PIEZO2: variants seen among roughly 807,000 people sequenced by gnomAD.
PIEZO2 encodes the protein piezo type mechanosensitive ion channel component 2, also known as piezo-type mechanosensitive ion channel component 2.
Under a neutral mutation model 337.3 loss-of-function variants are expected in PIEZO2, and 172 were observed. The ratio of observed to expected loss-of-function variants is 0.51; its 90% CI spans 0.45 to 0.58. The LOEUF is 0.58. Among genes scored for constraint, PIEZO2 ranks in the 20% least tolerant of loss-of-function variants. PIEZO2 has a pLI of 0.00. For missense variants in PIEZO2, 3,028 were observed against 3,391.3 expected (o/e 0.89, Z 2.66); for synonymous variants, 1,251 against 1,228.5 (o/e 1.02, Z -0.38).
chr18:11,015,570 A>G (rs2036087798), intron 2 of PIEZO2, among the ~76,000 whole-genome samples: 1 of 152,164 alleles, frequency 6.6e-6, no homozygotes, highest in South Asian at 2.1e-4. Context: ...ATATATCAAT[A>G]ATATCATGTT....
intron 47 of PIEZO2, among the ~76,000 whole-genome samples, chr18:10,694,898 G>C (rs796387098): frequency 6.6e-6 from 1 of 152,240 alleles, no homozygotes; most frequent in African/African-American, 2.4e-5. Flanking sequence ...TGGGAGTGCA[G>C]TTCCAGAGGA....
rs147616142 is a variant in PIEZO2, at chr18:10,830,121, G to A, written c.918-22847C>T. On this transcript the variant is annotated intron_variant, in intron 7 of 55. Transcript: ENST00000674853. This position sits in a 1 kb window ranked among gnomAD's most constrained non-coding sequence, Gnocchi z 4.7. ...ACACACAGACCAATGGAACAGAATA[G>A]GGAAGCCAGTAATTCATACATCTAC... 7.0e-3 allele frequency among the ~76,000 whole-genome samples: 1,071 copies of A among 152,192 alleles called. 7 individuals are homozygous for A. Among genetic ancestry groups the A allele is most frequent in the African/African-American group, 0.025 (1,028 of 41,522 alleles).
At chr18:10,831,767 T>C (rs560096870) in intron 7 of PIEZO2, among the ~76,000 whole-genome samples, 1 of 152,318 alleles carries the variant, frequency 6.6e-6, no homozygotes, top group South Asian at 2.1e-4. Flanking sequence ...ATGTACCCCA[T>C]ACATATATAT....
At chr18:11,010,655 T>G (rs1387394256) in intron 2 of PIEZO2, among the ~76,000 whole-genome samples, 1 of 152,162 alleles carries the variant, frequency 6.6e-6, no homozygotes, top group Non-Finnish European at 1.5e-5. Context: ...CTCACCAACT[T>G]GAAATGGGGG....
intron 42 of PIEZO2, among the ~76,000 whole-genome samples, chr18:10,702,445 C>T (rs1051861011): frequency 3.9e-5 from 6 of 152,160 alleles, no homozygotes; most frequent in African/African-American, 1.4e-4. Flanking sequence ...TTAGTCATTT[C>T]CTCTTTTTTG....
rs1264637101 is a variant in PIEZO2, at chr18:11,112,789, T to G, written c.64+35736A>C. On this transcript the variant is annotated intron_variant, in intron 1 of 55. Transcript: ENST00000674853. This position sits in a 1 kb window ranked among gnomAD's most constrained non-coding sequence, Gnocchi z 4.3. ...AAAATGTGGGCTCCTTCTCTCCATC[T>G]GCAGTTAGGTCACCGACAAGAGGAA... Among the ~76,000 whole-genome samples, 4 of 152,180 alleles carry G rather than the reference T, an allele frequency of 2.6e-5. No homozygotes were observed. Among genetic ancestry groups the G allele is most frequent in the African/African-American group, 9.7e-5 (4 of 41,446 alleles).
chr18:10,808,916 C>T (rs2040085962), intron 7 of PIEZO2, among the ~76,000 whole-genome samples: 1 of 152,240 alleles, frequency 6.6e-6, no homozygotes, highest in African/African-American at 2.4e-5. Context: ...ACGCCTGGCA[C>T]ATATGCTAGA....
Position 10,680,250 on chromosome 18 carries a change from A to G in PIEZO2, c.7901T>C (p.Leu2634Pro). 1 of 1,614,064 alleles carries G rather than the reference A, an allele frequency of 6.2e-7. No individual in the cohort carries two copies. The highest frequency in any genetic ancestry group is 8.5e-7 in the Non-Finnish European group (1 of 1,179,928). The part of the protein sequence containing the change: ...PPSKQKMIHE[L>P]LDPNSSFSVV... ...AGAGAAGCTACTATTGGGGTCCAGGAGTTCGTGTATCATTTTCTGCTTACT... is the reference window on the plus strand; with the variant it reads ...AGAGAAGCTACTATTGGGGTCCAGGGGTTCGTGTATCATTTTCTGCTTACT... Residue 2634 changes from leucine (L) to proline (P), a missense_variant, in exon 52 of 56, where the codon CTC becomes CCC. By Grantham distance (98) the Leu-to-Pro change is moderately conservative (BLOSUM62 -3). This residue lies in a region of PIEZO2 where 332 missense variants were observed against 363.8 expected (regional missense o/e 0.91). Coordinates refer to ENST00000674853, the MANE Select transcript of PIEZO2 (RefSeq NM_001378183.1).
chr18:10,973,353 A>G lies in PIEZO2; in HGVS notation c.286+6182T>C, dbSNP rs1317477997. 1.3e-5 allele frequency among the ~76,000 whole-genome samples: 2 copies of G among 152,188 alleles called. No individual in the cohort carries two copies. Among genetic ancestry groups the G allele is most frequent in the Non-Finnish European group, 2.9e-5 (2 of 68,036 alleles). ...AAAGTTCTCTTTCAGCAATGCTTCCATCCAGAATCTACTGATCATAAATGT... is the reference window on the plus strand; with the variant it reads ...AAAGTTCTCTTTCAGCAATGCTTCCGTCCAGAATCTACTGATCATAAATGT... On this transcript the variant is annotated intron_variant, in intron 3 of 55. Transcript: ENST00000674853. The surrounding 1 kb of genome is among the most constrained non-coding windows in gnomAD (Gnocchi z 4.9).
intron 4 of PIEZO2, among the ~76,000 whole-genome samples, chr18:10,902,920 T>C (rs994034760): frequency 2.5e-4 from 38 of 152,332 alleles, no homozygotes; most frequent in African/African-American, 9.1e-4. Flanking sequence ...TGCAGAACCC[T>C]ATGCAATGTG....
rs2037511138 is a variant in PIEZO2, at chr18:10,748,427, C to A, written c.4424+44G>T. On this transcript the variant is annotated intron_variant, in intron 30 of 55. Coordinates refer to ENST00000674853, the MANE Select transcript of PIEZO2 (RefSeq NM_001378183.1). The surrounding 1 kb of genome is among the most constrained non-coding windows in gnomAD (Gnocchi z 5.1). ...AATGATAGTGCAATATTATTTCAGGCAAGTTTCCTGGGAGAAACCACCTGA... is the reference window on the plus strand; with the variant it reads ...AATGATAGTGCAATATTATTTCAGGAAAGTTTCCTGGGAGAAACCACCTGA... 1 of 1,520,878 alleles carries A rather than the reference C, an allele frequency of 6.6e-7. No individual in the cohort carries two copies. Among genetic ancestry groups the A allele is most frequent in the East Asian group, 2.5e-5 (1 of 40,746 alleles). The allele number at this position is 1,520,878 out of a possible 1,614,324, so 94.2% of individuals were successfully genotyped here.
At position 10,789,346 on chromosome 18, in the gene PIEZO2, T is replaced by A. The variant is rs1455417678; in HGVS notation, c.1902A>T (p.Ile634=). 1.3e-6 allele frequency: 2 copies of A among 1,536,624 alleles called. No individual in the cohort carries two copies. The highest frequency in any genetic ancestry group is 1.7e-6 in the Non-Finnish European group (2 of 1,146,682). Residue 634 remains isoleucine (I), a synonymous_variant, in exon 15 of 56, where the codon ATA becomes ATT. Transcript: ENST00000674853. ...NEEKDEELQD[I]QVEGEPKEEE... The stretch of plus-strand genomic sequence containing the variant: ...CCTCTTTGGGCTCTCCTTCCACTTG[T>A]ATATCTTGAAGTTCCTCATCTTCAA...
chr18:11,034,985 G>A (rs750164402), intron 2 of PIEZO2, among the ~76,000 whole-genome samples: 4 of 152,244 alleles, frequency 2.6e-5, no homozygotes, highest in Non-Finnish European at 4.4e-5. Flanking sequence ...ACCAACGTTA[G>A]GAATGAGTCA....
At chr18:11,042,969 C>G (rs527934660) in intron 2 of PIEZO2, among the ~76,000 whole-genome samples, 37 of 152,144 alleles carry the variant, frequency 2.4e-4, no homozygotes, top group African/African-American at 8.4e-4. Flanking sequence ...GTTCTAAAGA[C>G]AAAAATATAT....
At position 10,784,825 on chromosome 18, in the gene PIEZO2, G is replaced by T. The variant is rs1246023353; in HGVS notation, c.2451C>A (p.Asp817Glu). ...YFHDRFLELT[D>E]LKSIPSKEDN... Reference sequence around the variant, plus strand: ...CTTCTTTGCTGGGAATGGACTTGAGGTCTGTGAGTTCAAGGAACCGGTCAT... The same window carrying T: ...CTTCTTTGCTGGGAATGGACTTGAGTTCTGTGAGTTCAAGGAACCGGTCAT... The change falls in exon 17 of 56, where the codon GAC (aspartate) becomes GAA (glutamate). Residue 817 changes from aspartate (D) to glutamate (E), a missense_variant. Physicochemically the swap from Asp to Glu is conservative, Grantham distance 45. Transcript: ENST00000674853. The surrounding 1 kb of genome is among the most constrained non-coding windows in gnomAD (Gnocchi z 4.5). 6.5e-7 allele frequency: 1 copy of T among 1,537,716 alleles called. No homozygotes were observed. Among genetic ancestry groups the T allele is most frequent in the Admixed American group, 2.0e-5 (1 of 50,994 alleles).
At chr18:10,796,709 T>C (rs1046063016) in intron 12 of PIEZO2, among the ~76,000 whole-genome samples, 2 of 152,280 alleles carry the variant, frequency 1.3e-5, no homozygotes, top group African/African-American at 2.4e-5. Context: ...GGGATCCCTA[T>C]ACTTCTGCTA....
At chr18:10,925,421 A>AT (rs1568205133) in intron 3 of PIEZO2, among the ~76,000 whole-genome samples, 3 of 151,918 alleles carry the variant, frequency 2.0e-5, no homozygotes, top group Non-Finnish European at 4.4e-5. Context: ...TGATCCCTCA[A>AT]ATATAATGGA....
intron 3 of PIEZO2, among the ~76,000 whole-genome samples, chr18:10,948,406 T>A (rs1185201600): frequency 1.3e-5 from 2 of 152,040 alleles, no homozygotes; most frequent in African/African-American, 4.8e-5. Context: ...TGTGATGCAT[T>A]TTTTTTGGTT....
At chr18:10,770,005 G>C (rs1203516466) in intron 21 of PIEZO2, 143 bp downstream of exon 21, 3 of 842,284 alleles carry the variant, frequency 3.6e-6, no homozygotes, top group East Asian at 5.8e-5. Context: ...TCGGATTTCT[G>C]TAAGTGTAAG....
Sources: allele counts gnomAD v4.1 joint callset (sites outside exome capture counted in the v4.1 genomes callset), GRCh38; gene constraint gnomAD v4.1.1; regional missense constraint gnomAD v4.1.1; non-coding constraint Gnocchi (gnomAD v3.1); transcripts MANE v1.5; gene names NCBI Gene and HGNC (gene_info 2026-07-23, HGNC 2026-07-21).